ZNF565: variants seen among roughly 807,000 people sequenced by gnomAD.
ZNF565 encodes zinc finger protein 565.
In ZNF565, 27 loss-of-function variants were observed where a neutral mutation model predicts 39.4. That is an observed-to-expected ratio of 0.69 (90% CI 0.51 to 0.95). The LOEUF (loss-of-function observed/expected upper bound fraction) is 0.95, where lower values mean the gene tolerates loss of function less well. ZNF565 is among the 40% of genes least tolerant of loss of function. ZNF565 has a pLI of 0.00. For synonymous variants in ZNF565, 185 were observed against 216.6 expected, an observed-to-expected ratio of 0.85 and a Z score of 1.28; for missense variants, 524 against 621.1, an observed-to-expected ratio of 0.84 and a Z score of 1.66.
chr19:36,231,812 C>T (rs1467524675), intron 1 of ZNF565, among the ~76,000 whole-genome samples: 3 of 151,910 alleles, frequency 2.0e-5, no homozygotes, highest in Admixed American at 1.3e-4. Flanking sequence ...GGGCCAGGCA[C>T]GGTGGCTCAC....
chr19:36,190,863 A>G (rs1037938968), intron 4 of ZNF565, among the ~76,000 whole-genome samples: 2 of 150,490 alleles, frequency 1.3e-5, no homozygotes, highest in Non-Finnish European at 3.0e-5. Context: ...GTGGTGGCGC[A>G]CTCCTGTATT....
chr19:36,234,091 A>C (rs892552673), intron 1 of ZNF565, among the ~76,000 whole-genome samples: 1 of 152,172 alleles, frequency 6.6e-6, no homozygotes. Context: ...ATGACTCTTA[A>C]GGAGCATGCT....
At chr19:36,216,824 T>TA (rs66507127), upstream of ZNF565, among the ~76,000 whole-genome samples, 95,962 of 151,388 alleles carry the variant, frequency 0.63, 30,593 homozygotes, top group Middle Eastern at 0.71. Flanking sequence ...CAACACATTT[T>TA]AAATATAAAG....
chr19:36,183,811 G>T, intron 4 of ZNF565, 78 bp from the exon 5 acceptor site: 1 of 1,322,420 alleles, frequency 7.6e-7, no homozygotes. Flanking sequence ...TAGAGGCCAG[G>T]CACGGTGGCT....
At chr19:36,243,203 T>C (rs1352417190) in intron 1 of ZNF565, among the ~76,000 whole-genome samples, 1 of 152,046 alleles carries the variant, frequency 6.6e-6, no homozygotes, top group African/African-American at 2.4e-5. Context: ...CCGGCTAATT[T>C]TTGTATTTTT....
At position 36,237,501 on chromosome 19, in the gene ZNF565, C is replaced by G. The variant is rs930107797; in HGVS notation, c.55+7975G>C. 8.9e-5 allele frequency: 57 copies of G among 639,028 alleles called. No individual in the cohort carries two copies. In the Admixed American group the frequency reaches 1.9e-3, roughly 21 times the overall value. 39.6% of individuals were successfully genotyped at this position (639,028 alleles called of 1,614,324 possible). A position where few individuals can be genotyped will look rare whatever the true frequency, so the allele number is the denominator to read the frequency against. On this transcript the variant is annotated intron_variant, in intron 1 of 4. Transcript: ENST00000355114. ...AGAAAGACATGCATATGATTAAAAC[C>G]CTGTGTCCAACAGAGAAACCTGCAG...
chr19:36,217,740 C>T (rs1284343430), upstream of ZNF565, among the ~76,000 whole-genome samples: 1 of 151,950 alleles, frequency 6.6e-6, no homozygotes, highest in Non-Finnish European at 1.5e-5. Flanking sequence ...CAAAATTAGC[C>T]AGGCGTGGCG....
At chr19:36,236,776 G>A (rs764443676) in intron 1 of ZNF565, 16 of 1,614,126 alleles carry the variant, frequency 9.9e-6, no homozygotes, top group Admixed American at 3.3e-5. Flanking sequence ...TCATTCAGAA[G>A]TCAAACCTCA....
chr19:36,202,049 TC>T lies in ZNF565; in HGVS notation c.-65del, dbSNP rs751953737. 7.5e-6 allele frequency: 12 copies of T among 1,607,990 alleles called. No homozygotes were observed. In the Admixed American group the frequency reaches 2.0e-4, roughly 27 times the overall value. On this transcript the variant is annotated splice_region_variant and 5_prime_UTR_variant, in exon 2 of 5. Coordinates refer to ENST00000304116, the MANE Select transcript of ZNF565 (RefSeq NM_152477.5). ...ATTCTTCTCTTGGACAAGTGCAGAGTCCTGAAAAAGCAAAATGGGGGGAGAT... is the reference window on the plus strand; with the variant it reads ...ATTCTTCTCTTGGACAAGTGCAGAGTCTGAAAAAGCAAAATGGGGGGAGAT...
intron 1 of ZNF565, among the ~76,000 whole-genome samples, chr19:36,227,096 A>T (rs1319768415): frequency 2.9e-4 from 43 of 148,682 alleles, no homozygotes; most frequent in East Asian, 2.6e-3. Context: ...AAAAAAAAAA[A>T]TTTTTTTTTT....
intron 1 of ZNF565, among the ~76,000 whole-genome samples, chr19:36,244,976 CGT>C (rs2029883135): frequency 6.6e-6 from 1 of 151,842 alleles, no homozygotes; most frequent in African/African-American, 2.4e-5. Context: ...GACCTTTTCT[CGT>C]ATTATGTGGT....
upstream of ZNF565, among the ~76,000 whole-genome samples, chr19:36,219,244 C>T (rs919754826): frequency 2.6e-5 from 4 of 152,164 alleles, no homozygotes; most frequent in African/African-American, 9.7e-5. Flanking sequence ...GCAGCCTCCA[C>T]CTCCTGGGCT....
intron 1 of ZNF565, among the ~76,000 whole-genome samples, chr19:36,222,620 A>G (rs1487534908): frequency 1.1e-4 from 17 of 151,418 alleles, no homozygotes; most frequent in Admixed American, 1.1e-3. Context: ...ATCCCTTCTT[A>G]TGAATGAGAA....
In ZNF565 at chr19:36,220,566, G is replaced by C. The variant is rs55914742; in HGVS notation, c.56-18516C>G. Among the ~76,000 whole-genome samples the C allele has an allele frequency of 1.1e-3, 169 of 152,048 alleles. 1 individual carries two copies. The highest frequency in any genetic ancestry group is 3.9e-3 in the African/African-American group (161 of 41,492). ...TTTTTAGTAGAGATGGGGTTTCACCGTGTTAGCCAGGATGGTCTCGATCTC... is the reference window on the plus strand; with the variant it reads ...TTTTTAGTAGAGATGGGGTTTCACCCTGTTAGCCAGGATGGTCTCGATCTC... On this transcript the variant is annotated intron_variant, in intron 1 of 4. Coordinates refer to the ZNF565 transcript ENST00000355114.
At chr19:36,236,762 G>C in intron 1 of ZNF565, 1 of 1,614,162 alleles carries the variant, frequency 6.2e-7, no homozygotes, top group Non-Finnish European at 8.5e-7. Flanking sequence ...TTGCGGGAAA[G>C]CTTTCATTCA....
upstream of ZNF565, chr19:36,215,196 G>A (rs930739387): frequency 6.6e-6 from 1 of 152,306 alleles, no homozygotes; most frequent in African/African-American, 2.4e-5. Flanking sequence ...GAAAGTAGGA[G>A]GTGGGATCTG....
intron 1 of ZNF565, among the ~76,000 whole-genome samples, chr19:36,214,228 C>T (rs1397086069): frequency 1.3e-5 from 2 of 152,080 alleles, no homozygotes; most frequent in Admixed American, 1.3e-4. Flanking sequence ...CAGGCAATTG[C>T]ACACGGCCAC....
At chr19:36,243,837 G>T (rs1207726021) in intron 1 of ZNF565, among the ~76,000 whole-genome samples, 1 of 151,968 alleles carries the variant, frequency 6.6e-6, no homozygotes, top group South Asian at 2.1e-4. Flanking sequence ...GAGTAGCTGG[G>T]ACTAGAGGCA....
intron 2 of ZNF565, 142 bp from the exon 3 acceptor site, chr19:36,195,298 A>C: frequency 1.0e-6 from 1 of 990,694 alleles, no homozygotes; most frequent in South Asian, 1.7e-5. Flanking sequence ...AACAGTTAAC[A>C]AGGTGTACCC....
Sources: allele counts gnomAD v4.1 joint callset (sites outside exome capture counted in the v4.1 genomes callset), GRCh38; gene constraint gnomAD v4.1.1; transcripts MANE v1.5; gene names NCBI Gene and HGNC (gene_info 2026-07-23, HGNC 2026-07-21).